Variants in MELK observed in about 807,000 individuals in gnomAD.
The protein encoded by MELK is pEg3 kinase.
Under a neutral mutation model 85.0 loss-of-function variants are expected in MELK, and 81 were observed. The ratio of observed to expected loss-of-function variants is 0.95; its 90% CI spans 0.80 to 1.15. The LOEUF is 1.15. MELK is among the 50% of genes most tolerant of loss of function. MELK has a pLI of 0.00. For synonymous variants in MELK, 252 were observed against 265.0 expected (o/e 0.95, Z 0.48); for missense variants, 754 against 777.5 (o/e 0.97, Z 0.36).
intron 12 of MELK, 84 bp downstream of exon 12, chr9:36,651,961 T>C: frequency 7.8e-7 from 1 of 1,287,138 alleles, no homozygotes; most frequent in Non-Finnish European, 1.0e-6. Flanking sequence ...AACTTTCCGG[T>C]GTCAAGGAGT....
chr9:36,645,903 G>C (rs550246680), intron 11 of MELK, among the ~76,000 whole-genome samples: 1 of 152,292 alleles, frequency 6.6e-6, no homozygotes, highest in East Asian at 1.9e-4. Context: ...TACTGAATCA[G>C]AATCTGTGTC....
At chr9:36,603,277 T>G (rs1381012041) in intron 7 of MELK, among the ~76,000 whole-genome samples, 1 of 152,146 alleles carries the variant, frequency 6.6e-6, no homozygotes, top group Non-Finnish European at 1.5e-5. Flanking sequence ...GAGATGGGGC[T>G]TTAAGAATCT....
intron 1 of MELK, among the ~76,000 whole-genome samples, chr9:36,580,509 G>A (rs1822118096): frequency 1.3e-5 from 2 of 151,252 alleles, no homozygotes; most frequent in African/African-American, 4.9e-5. Context: ...TAGTAGAGAC[G>A]GGTTTCGTCA....
chr9:36,614,445 A>ATTT (rs1564162098), intron 8 of MELK, among the ~76,000 whole-genome samples: 40 of 88,858 alleles, frequency 4.5e-4, no homozygotes, highest in African/African-American at 1.6e-3. Flanking sequence ...TTTTTTTTTA[A>ATTT]TTTATTTTTT....
chr9:36,588,967 T>C (rs1203827761), intron 3 of MELK, among the ~76,000 whole-genome samples: 2 of 152,172 alleles, frequency 1.3e-5, no homozygotes, highest in African/African-American at 4.8e-5. Flanking sequence ...ATTTTCCTTG[T>C]TTGGAATGCT....
intron 5 of MELK, among the ~76,000 whole-genome samples, chr9:36,596,000 G>A (rs1383770316): frequency 6.6e-6 from 1 of 151,644 alleles, no homozygotes; most frequent in Non-Finnish European, 1.5e-5. Flanking sequence ...ATTTTTAGTA[G>A]GCCTGGGGTT....
chr9:36,656,902 C>T (rs754900222), intron 12 of MELK, among the ~76,000 whole-genome samples: 14 of 152,228 alleles, frequency 9.2e-5, no homozygotes, highest in Non-Finnish European at 1.6e-4. Context: ...CAGGCATGAG[C>T]CACCATGGGG....
chr9:36,606,741 A>G (rs1441588786), intron 7 of MELK: 1 of 148,032 alleles, frequency 6.8e-6, no homozygotes, highest in African/African-American at 2.5e-5. Context: ...GTACATATAT[A>G]CATATATAAT....
intron 8 of MELK, among the ~76,000 whole-genome samples, chr9:36,626,148 A>G (rs1427109210): frequency 6.6e-6 from 1 of 152,188 alleles, no homozygotes; most frequent in Admixed American, 6.5e-5. Flanking sequence ...TGATTGAGCC[A>G]GTGCCCTTAT....
intron 4 of MELK, among the ~76,000 whole-genome samples, chr9:36,593,686 T>A (rs1355107747): frequency 6.6e-6 from 1 of 152,194 alleles, no homozygotes; most frequent in East Asian, 1.9e-4. Flanking sequence ...TTGTTGTTGT[T>A]GTTGCTGTTG....
chr9:36,604,226 C>T (rs568954035), intron 7 of MELK, among the ~76,000 whole-genome samples: 1 of 145,564 alleles, frequency 6.9e-6, no homozygotes, highest in East Asian at 2.1e-4. Flanking sequence ...ACCTCGGCTT[C>T]CCAAAGTGTT....
intron 1 of MELK, among the ~76,000 whole-genome samples, chr9:36,580,214 G>A (rs1471832507): frequency 6.6e-6 from 1 of 151,786 alleles, no homozygotes; most frequent in Non-Finnish European, 1.5e-5. Context: ...AGCTTTAGCA[G>A]AGACAGGGTT....
At chr9:36,615,333 CCGGGCGGGGGG>C (rs1826552938) in intron 8 of MELK, among the ~76,000 whole-genome samples, 1 of 128,284 alleles carries the variant, frequency 7.8e-6, no homozygotes, top group East Asian at 2.6e-4. Flanking sequence ...GGGCGGCTGG[CCGGGCGGGGGG>C]CTGACCCCCC....
chr9:36,635,798 CTTTT>C (rs759256315), intron 10 of MELK, among the ~76,000 whole-genome samples: 1 of 134,076 alleles, frequency 7.5e-6, no homozygotes. Context: ...TTAAAAAATG[CTTTT>C]TTTTTTTTTT....
chr9:36,574,754 A>G (rs918073894), intron 1 of MELK, among the ~76,000 whole-genome samples: 7 of 152,366 alleles, frequency 4.6e-5, no homozygotes, highest in Non-Finnish European at 8.8e-5. Context: ...TATTGTTAAA[A>G]AATGCCCCCA....
chr9:36,631,986 T>A (rs1181018212), intron 9 of MELK, among the ~76,000 whole-genome samples: 1 of 152,194 alleles, frequency 6.6e-6, no homozygotes, highest in East Asian at 1.9e-4. Flanking sequence ...GCTCATTAAG[T>A]ATGTTAGTAG....
intron 13 of MELK, among the ~76,000 whole-genome samples, chr9:36,663,906 T>C (rs1389348398): frequency 1.3e-5 from 2 of 152,194 alleles, no homozygotes; most frequent in African/African-American, 4.8e-5. Context: ...GGAAAAGAAG[T>C]AGAGGGAATT....
intron 13 of MELK, among the ~76,000 whole-genome samples, chr9:36,663,471 G>A (rs1205271285): frequency 6.6e-6 from 1 of 152,170 alleles, no homozygotes; most frequent in Non-Finnish European, 1.5e-5. Flanking sequence ...GTTTTAAGGT[G>A]TCAGCTGAAT....
chr9:36,620,643 TGG>T (rs1291109425), intron 8 of MELK, among the ~76,000 whole-genome samples: 2 of 150,264 alleles, frequency 1.3e-5, no homozygotes, highest in African/African-American at 4.9e-5. Context: ...CTCTGCCTCC[TGG>T]GTTCAAGCGA....
Sources: allele counts gnomAD v4.1 joint callset (sites outside exome capture counted in the v4.1 genomes callset), GRCh38; gene constraint gnomAD v4.1.1; transcripts MANE v1.5; gene names NCBI Gene and HGNC (gene_info 2026-07-23, HGNC 2026-07-21).